Variants in MTMR7 observed in about 807,000 individuals in gnomAD.
The protein encoded by MTMR7 is phosphatidylinositol-3-phosphate phosphatase MTMR7.
A neutral mutation model predicts 81.2 loss-of-function variants in MTMR7; 76 were observed. The observed-to-expected ratio is 0.94, with a 90% CI of 0.78 to 1.13. The LOEUF (loss-of-function observed/expected upper bound fraction) is 1.13. MTMR7 is among the 50% of genes most tolerant of loss of function. The probability of loss-of-function intolerance (pLI) is 0.00; values close to 1 mark genes in which losing one functional copy is unlikely to be tolerated. For synonymous variants in MTMR7, 372 were observed against 289.8 expected (o/e 1.28, Z -2.88); for missense variants, 1,044 against 820.0 (o/e 1.27, Z -3.34).
chr8:17,311,881 T>C (rs1817800442), intron 8 of MTMR7: 1 of 494,774 alleles, frequency 2.0e-6, no homozygotes, highest in South Asian at 2.6e-5. Flanking sequence ...AATAAGCGCA[T>C]GTACTTACTA....
In MTMR7 at chr8:17,346,520, A is replaced by G. The variant is rs910416280; in HGVS notation, c.597+2433T>C. ...CACTTGGGGGAGCAGGCGTGGAGCCATGTGGGTCTGAGGTCAGCCGGGGAA... is the reference window on the plus strand; with the variant it reads ...CACTTGGGGGAGCAGGCGTGGAGCCGTGTGGGTCTGAGGTCAGCCGGGGAA... On this transcript the variant is annotated intron_variant, in intron 5 of 13. Transcript: ENST00000180173. Among the ~76,000 whole-genome samples, 20 of 152,136 alleles carry G rather than the reference A, an allele frequency of 1.3e-4. 1 individual carries two copies. Among genetic ancestry groups the G allele is most frequent in the African/African-American group, 4.8e-4 (20 of 41,414 alleles).
chr8:17,323,433 G>T (rs1293029456), intron 7 of MTMR7, among the ~76,000 whole-genome samples: 2 of 152,084 alleles, frequency 1.3e-5, no homozygotes, highest in Non-Finnish European at 1.5e-5. Context: ...TGAAGGTAGG[G>T]TTTAAGGGAT....
intron 4 of MTMR7, among the ~76,000 whole-genome samples, chr8:17,351,780 C>T (rs1255397805): frequency 6.6e-6 from 1 of 152,190 alleles, no homozygotes; most frequent in South Asian, 2.1e-4. Context: ...AGCTAGAATG[C>T]ATTTGAGAAA....
intron 4 of MTMR7, among the ~76,000 whole-genome samples, chr8:17,358,850 T>C (rs1041783438): frequency 5.3e-5 from 8 of 152,050 alleles, no homozygotes; most frequent in African/African-American, 1.9e-4. Context: ...GGATACTATA[T>C]CAAGAATTAT....
At chr8:17,311,776 C>G (rs933123707) in intron 8 of MTMR7, 140 bp from the exon 9 acceptor site, 1 of 1,337,394 alleles carries the variant, frequency 7.5e-7, no homozygotes, top group African/African-American at 1.5e-5. Flanking sequence ...TGTTTAGGGC[C>G]CCCCCTAATT....
Position 17,305,737 on chromosome 8 carries a change from A to C in MTMR7, c.1352+20T>G. 1 of 1,579,422 alleles carries C rather than the reference A, an allele frequency of 6.3e-7. No individual in the cohort carries two copies. The highest frequency in any genetic ancestry group is 1.4e-5 in the African/African-American group (1 of 73,960). ...AATCTTTAAATAAAAGTTAAACACC[A>C]AAAACACCAAAACACTTACTTGAGT... On this transcript the variant is annotated intron_variant, in intron 11 of 13. Coordinates refer to ENST00000180173, the MANE Select transcript of MTMR7 (RefSeq NM_004686.5).
intron 7 of MTMR7, among the ~76,000 whole-genome samples, chr8:17,323,392 CA>C (rs1818508743): frequency 6.6e-6 from 1 of 152,014 alleles, no homozygotes; most frequent in South Asian, 2.1e-4. Flanking sequence ...AGTCAATATA[CA>C]AACGGAGCCA....
chr8:17,392,741 C>T (rs1396550385), intron 1 of MTMR7, among the ~76,000 whole-genome samples: 1 of 152,190 alleles, frequency 6.6e-6, no homozygotes, highest in Non-Finnish European at 1.5e-5. Flanking sequence ...GCATTCTTTG[C>T]AGAGTTCCTC....
At chr8:17,311,746 G>T in intron 8 of MTMR7, 110 bp from the exon 9 acceptor site, 1 of 1,514,996 alleles carries the variant, frequency 6.6e-7, no homozygotes, top group East Asian at 2.3e-5. Context: ...CAGCCAAAAC[G>T]AAACACCTGT....
At chr8:17,334,212 A>C (rs1819150523) in intron 6 of MTMR7, among the ~76,000 whole-genome samples, 2 of 152,218 alleles carry the variant, frequency 1.3e-5, no homozygotes, top group South Asian at 4.1e-4. Flanking sequence ...TACAGGACCT[A>C]TCCTGATAAT....
chr8:17,331,013 A>G (rs1818971310), intron 7 of MTMR7, 137 bp downstream of exon 7: 3 of 1,052,676 alleles, frequency 2.8e-6, no homozygotes, highest in Non-Finnish European at 2.7e-6. Context: ...AAGTGTTTAA[A>G]AAGCCACTGT....
chr8:17,368,047 G>T (rs189853186), intron 3 of MTMR7, among the ~76,000 whole-genome samples: 3 of 151,952 alleles, frequency 2.0e-5, no homozygotes, highest in African/African-American at 7.3e-5. Context: ...CGGTACCAGG[G>T]ACCAGCTTTG....
At chr8:17,309,613 A>G (rs1817676574) in intron 9 of MTMR7, among the ~76,000 whole-genome samples, 1 of 152,204 alleles carries the variant, frequency 6.6e-6, no homozygotes, top group Admixed American at 6.5e-5. Context: ...TGCTTTACGT[A>G]TGATCTCTAA....
chr8:17,396,156 G>C (rs957592487), intron 1 of MTMR7, among the ~76,000 whole-genome samples: 1 of 151,808 alleles, frequency 6.6e-6, no homozygotes, highest in African/African-American at 2.4e-5. Flanking sequence ...ACAAACTATG[G>C]GGATGGAAAG....
At chr8:17,361,722 C>T (rs1820066840) in intron 3 of MTMR7, among the ~76,000 whole-genome samples, 1 of 152,056 alleles carries the variant, frequency 6.6e-6, no homozygotes, top group South Asian at 2.1e-4. Context: ...CATTTTGATG[C>T]TCACAGGGTT....
At chr8:17,306,091 A>C in intron 10 of MTMR7, 134 bp from the exon 11 acceptor site, 1 of 705,056 alleles carries the variant, frequency 1.4e-6, no homozygotes, top group Non-Finnish European at 2.2e-6. Context: ...AATGACAAAA[A>C]AGGTAGAAAA....
chr8:17,341,371 G>A lies in MTMR7; in HGVS notation c.724C>T (p.Arg242Trp), dbSNP rs968622478. 7.4e-6 allele frequency: 12 copies of A among 1,613,902 alleles called. No homozygotes were observed. The highest frequency in any genetic ancestry group is 1.0e-5 in the Non-Finnish European group (12 of 1,179,948). The change falls in exon 6 of 14, where the codon CGG becomes TGG. Residue 242 changes from arginine to tryptophan, a missense_variant. Physicochemically the swap from Arg to Trp is moderately radical, Grantham distance 101 (BLOSUM62 -3). Coordinates refer to ENST00000180173, the MANE Select transcript of MTMR7 (RefSeq NM_004686.5). ...GCAACGGTGACACTTACTTTAGGCC[G>A]GGTGTCAACGACATAAACGAAGTCA... is the stretch of plus-strand genomic sequence containing the variant. ...GSDFVYVVDT[R>W]PKLNAMANRA... is the part of the protein sequence containing the mutation.
In MTMR7 at chr8:17,301,879, C is replaced by A. The variant is rs1817141924; in HGVS notation, c.1620+275G>T. 8 of 425,458 alleles carry A rather than the reference C, an allele frequency of 1.9e-5. No individual in the cohort carries two copies. The East Asian group carries it at 2.8e-4, about 15-fold the overall frequency. The allele number at this position is 425,458 out of a possible 1,614,324, so 26.4% of individuals were successfully genotyped here. On this transcript the variant is annotated intron_variant, in intron 13 of 13. Coordinates refer to ENST00000180173, the MANE Select transcript of MTMR7 (RefSeq NM_004686.5). ...CCAGAAAAAAATTAATTTTACTACT[C>A]TCAAATAACAGTAACCAAACAAGTT...
chr8:17,391,162 A>G (rs1821096330), intron 1 of MTMR7, among the ~76,000 whole-genome samples: 1 of 152,100 alleles, frequency 6.6e-6, no homozygotes, highest in South Asian at 2.1e-4. Context: ...AGCATCTGTG[A>G]GGGGAAACAA....
Sources: allele counts gnomAD v4.1 joint callset (sites outside exome capture counted in the v4.1 genomes callset), GRCh38; gene constraint gnomAD v4.1.1; transcripts MANE v1.5; gene names NCBI Gene and HGNC (gene_info 2026-07-23, HGNC 2026-07-21).